The following EFNA5 variants were observed in gnomAD, a reference collection of about 807,000 sequenced individuals.
EFNA5 encodes ephrin A5.
A neutral mutation model predicts 22.9 loss-of-function variants in EFNA5; 5 were observed. The ratio of observed to expected loss-of-function variants is 0.22; its 90% CI spans 0.11 to 0.46. The LOEUF is 0.46. EFNA5 is among the 20% of genes least tolerant of loss of function. The pLI is 0.99. For synonymous variants in EFNA5, 113 were observed against 112.2 expected (o/e 1.01, Z -0.04); for missense variants, 237 against 293.3 (o/e 0.81, Z 1.40).
chr5:107,610,230 G>A lies in EFNA5; in HGVS notation c.125+60259C>T, dbSNP rs571702788. Among the ~76,000 whole-genome samples, 7 of 152,280 alleles carry A rather than the reference G, an allele frequency of 4.6e-5. No homozygotes were observed. The East Asian group carries it at 1.4e-3, about 29-fold the overall frequency. On this transcript the variant is annotated intron_variant, in intron 1 of 4. Coordinates refer to ENST00000333274, the MANE Select transcript of EFNA5 (RefSeq NM_001962.3). Reference sequence around the variant, plus strand: ...TCACAGGGAAATTACACTTCTTTACGCATCTATAAAGAATTCAGAGTTTTC... The same window carrying A: ...TCACAGGGAAATTACACTTCTTTACACATCTATAAAGAATTCAGAGTTTTC...
chr5:107,573,705 T>C (rs918918073), intron 1 of EFNA5, among the ~76,000 whole-genome samples: 4 of 152,146 alleles, frequency 2.6e-5, no homozygotes, highest in Admixed American at 6.6e-5. Context: ...GTTTCCATGC[T>C]ATGGTTTAGA....
At chr5:107,667,353 T>A (rs1033662239) in intron 1 of EFNA5, among the ~76,000 whole-genome samples, 12 of 152,086 alleles carry the variant, frequency 7.9e-5, no homozygotes, top group African/African-American at 2.4e-4. Context: ...GTACATAGAT[T>A]GTAACAGTAA....
intron 1 of EFNA5, among the ~76,000 whole-genome samples, chr5:107,487,056 A>G (rs1238749003): frequency 5.3e-5 from 8 of 152,170 alleles, no homozygotes; most frequent in Admixed American, 1.3e-4. Context: ...AAGATAAAGA[A>G]CAACTTCCTT....
At chr5:107,545,386 A>C (rs1748126293) in intron 1 of EFNA5, among the ~76,000 whole-genome samples, 1 of 152,264 alleles carries the variant, frequency 6.6e-6, no homozygotes. Context: ...AATCACCCGC[A>C]GGAAAATATT....
chr5:107,387,355 A>G, intron 3 of EFNA5, 40 bp from the exon 4 acceptor site: 1 of 1,356,468 alleles, frequency 7.4e-7, no homozygotes, highest in Non-Finnish European at 1.0e-6. Context: ...TATGTTAGTG[A>G]AGACACCCTT....
chr5:107,498,841 CTG>C (rs1224532589), intron 1 of EFNA5, among the ~76,000 whole-genome samples: 1 of 152,162 alleles, frequency 6.6e-6, no homozygotes, highest in African/African-American at 2.4e-5. Context: ...AATGTACACA[CTG>C]TGATAAGGCT....
chr5:107,508,749 A>T (rs561247524), intron 1 of EFNA5, among the ~76,000 whole-genome samples: 6 of 152,372 alleles, frequency 3.9e-5, no homozygotes, highest in African/African-American at 1.4e-4. Flanking sequence ...TATAAGCAAT[A>T]AATTATTCTT....
chr5:107,618,792 A>G (rs1349336016), intron 1 of EFNA5, among the ~76,000 whole-genome samples: 1 of 152,232 alleles, frequency 6.6e-6, no homozygotes, highest in African/African-American at 2.4e-5. Flanking sequence ...GAAAGTGTCC[A>G]CTAAGATTAA....
At chr5:107,394,574 A>G (rs978198814) in intron 2 of EFNA5, among the ~76,000 whole-genome samples, 1 of 152,228 alleles carries the variant, frequency 6.6e-6, no homozygotes, top group Admixed American at 6.5e-5. Flanking sequence ...GGGAGGTAAA[A>G]TAAGTTCCAG....
intron 2 of EFNA5, among the ~76,000 whole-genome samples, chr5:107,408,850 G>T (rs1169979142): frequency 6.6e-6 from 1 of 152,136 alleles, no homozygotes; most frequent in Non-Finnish European, 1.5e-5. Flanking sequence ...TCTACAATAA[G>T]AAAGAAGATA....
At chr5:107,662,164 T>C (rs1750975925) in intron 1 of EFNA5, among the ~76,000 whole-genome samples, 1 of 152,158 alleles carries the variant, frequency 6.6e-6, no homozygotes, top group African/African-American at 2.4e-5. Context: ...ATGCTAGATA[T>C]CAGAGGAAAG....
chr5:107,387,462 T>A (rs1217451197), intron 3 of EFNA5, 147 bp from the exon 4 acceptor site: 2 of 621,758 alleles, frequency 3.2e-6, no homozygotes, highest in Admixed American at 6.2e-5. Context: ...CCAATATTGT[T>A]CCCATTTGCT....
At chr5:107,539,808 G>A (rs530598572) in intron 1 of EFNA5, among the ~76,000 whole-genome samples, 1 of 152,240 alleles carries the variant, frequency 6.6e-6, no homozygotes, top group African/African-American at 2.4e-5. Flanking sequence ...TACCATTGGT[G>A]ACTCTATGGT....
intron 1 of EFNA5, among the ~76,000 whole-genome samples, chr5:107,511,269 GC>G (rs1259480401): frequency 6.6e-6 from 1 of 152,096 alleles, no homozygotes; most frequent in African/African-American, 2.4e-5. Flanking sequence ...CAGGTGATCA[GC>G]CCGCCTCGGC....
chr5:107,440,186 C>T (rs1406598787), intron 1 of EFNA5, among the ~76,000 whole-genome samples: 1 of 152,138 alleles, frequency 6.6e-6, no homozygotes. Flanking sequence ...AAACTAATTG[C>T]TCTATCCCAA....
Position 107,379,856 on chromosome 5 carries a change from C to T in EFNA5, c.*1399G>A, listed in dbSNP as rs1747385533. The stretch of plus-strand genomic sequence containing the variant: ...TAAATAGGACAAGCATATATACTCA[C>T]TCTCAGCATAAAGTATATCTAAATA... On this transcript the variant is annotated 3_prime_UTR_variant, in exon 5 of 5. Coordinates refer to ENST00000333274, the MANE Select transcript of EFNA5 (RefSeq NM_001962.3). The T allele has an allele frequency of 6.6e-6, 1 of 152,018 alleles. No individual in the cohort carries two copies. Among genetic ancestry groups the T allele is most frequent in the Non-Finnish European group, 1.5e-5 (1 of 68,040 alleles). The allele number at this position is 152,018 out of a possible 1,614,324, so 9.4% of individuals were successfully genotyped here.
intron 1 of EFNA5, among the ~76,000 whole-genome samples, chr5:107,488,799 C>T (rs1156694645): frequency 6.6e-6 from 1 of 152,180 alleles, no homozygotes; most frequent in Non-Finnish European, 1.5e-5. Flanking sequence ...TGAAGCGAGT[C>T]TCCCGCCTCA....
At chr5:107,587,480 G>C (rs1425323086) in intron 1 of EFNA5, among the ~76,000 whole-genome samples, 3 of 152,162 alleles carry the variant, frequency 2.0e-5, no homozygotes, top group African/African-American at 4.8e-5. Flanking sequence ...CTAAGACAAT[G>C]ACATCAGTTT....
At chr5:107,426,258 AG>A (rs974512727) in intron 2 of EFNA5, among the ~76,000 whole-genome samples, 5 of 152,340 alleles carry the variant, frequency 3.3e-5, no homozygotes, top group African/African-American at 1.2e-4. Context: ...TACATGGGAA[AG>A]GCCAGATAGT....
Sources: gnomAD v4.1 joint callset for allele counts (sites outside exome capture counted in the v4.1 genomes callset) on GRCh38, gnomAD v4.1.1 for gene constraint, MANE v1.5 for transcripts, NCBI Gene and HGNC (gene_info 2026-07-23, HGNC 2026-07-21) for gene names.